Variants in LIMCH1 observed in about 807,000 individuals in gnomAD.
LIMCH1 encodes the protein LIM and calponin homology domains-containing protein 1.
Under a neutral mutation model 176.5 loss-of-function variants are expected in LIMCH1, and 113 were observed. That is an observed-to-expected ratio of 0.64 (90% CI 0.55 to 0.75). The LOEUF is 0.75. Ranked by LOEUF, LIMCH1 falls within the 30% of genes least tolerant of loss-of-function variation. The pLI is 0.00. For synonymous variants in LIMCH1, 619 were observed against 645.9 expected, an observed-to-expected ratio of 0.96 and a Z score of 0.63; for missense variants, 1,674 against 1,814.9, an observed-to-expected ratio of 0.92 and a Z score of 1.41.
chr4:41,494,619 T>C, intron 2 of LIMCH1: 5 of 1,551,958 alleles, frequency 3.2e-6, no homozygotes, highest in Non-Finnish European at 4.4e-6. Flanking sequence ...AAGTATAGCC[T>C]ATATTCAGTT....
intron 1 of LIMCH1, among the ~76,000 whole-genome samples, chr4:41,416,121 G>C (rs4499724): frequency 0.27 from 40,791 of 152,070 alleles, 6,171 homozygotes; most frequent in South Asian, 0.4. Flanking sequence ...AGGTGTGGCT[G>C]TAGGCTTACT....
chr4:41,553,219 TTACAAC>T (rs1243508912), intron 1 of LIMCH1, among the ~76,000 whole-genome samples: 15 of 152,160 alleles, frequency 9.9e-5, no homozygotes, highest in Middle Eastern at 3.2e-3. Flanking sequence ...GCATTCGGGG[TTACAAC>T]CATGAATGGC....
At chr4:41,510,820 C>T (rs1169359402) in intron 2 of LIMCH1, among the ~76,000 whole-genome samples, 2 of 152,138 alleles carry the variant, frequency 1.3e-5, no homozygotes, top group African/African-American at 4.8e-5. Flanking sequence ...AACTCCTGCC[C>T]TCAGGTGATC....
At position 41,644,693 on chromosome 4, in the gene LIMCH1, G is replaced by A. The variant is rs1210594514; in HGVS notation, c.2253+67G>A. On this transcript the variant is annotated intron_variant, in intron 15 of 31. Coordinates refer to ENST00000503057, the MANE Select transcript of LIMCH1 (RefSeq NM_001330672.2). ...GGCAGCAGAAAATCCAGCCGGGTGG[G>A]TAGACGTGGACTTGAAAGCCATGCG... 2.2e-5 allele frequency: 34 copies of A among 1,551,178 alleles called. No individual in the cohort carries two copies. In the East Asian group the frequency reaches 7.7e-4, roughly 35 times the overall value.
At chr4:41,612,723 T>G in intron 4 of LIMCH1, 1 of 689,688 alleles carries the variant, frequency 1.4e-6, no homozygotes, top group Admixed American at 2.1e-5. Context: ...TTCTCCCTGC[T>G]CTGAACATGT....
At chr4:41,429,942 C>T (rs1195432124) in intron 1 of LIMCH1, among the ~76,000 whole-genome samples, 4 of 152,150 alleles carry the variant, frequency 2.6e-5, no homozygotes, top group African/African-American at 4.8e-5. Context: ...TACTTCTGCT[C>T]ATATTCATTG....
intron 3 of LIMCH1, among the ~76,000 whole-genome samples, chr4:41,527,721 G>C (rs548736929): frequency 6.6e-6 from 1 of 151,892 alleles, no homozygotes; most frequent in Admixed American, 6.6e-5. Context: ...TACTCAGGAG[G>C]CTGAGGCAGG....
intron 1 of LIMCH1, among the ~76,000 whole-genome samples, chr4:41,390,269 A>AGAGAGAGAGAGC (rs760332127): frequency 0.032 from 4,776 of 150,064 alleles, 97 homozygotes; most frequent in South Asian, 0.058. Flanking sequence ...AGAGAGAGAG[A>AGAGAGAGAGAGC]GAGAGCGAGA....
In LIMCH1 at chr4:41,464,867, T is replaced by C. The variant is rs914952655; in HGVS notation, c.97-29669T>C. On this transcript the variant is annotated intron_variant, in intron 1 of 26. Coordinates refer to the LIMCH1 transcript ENST00000313860. ...GAGCACAGAGTCTTTCCTGTTACAGTAGGTGCATGCAAATATTTGTTGAAT... is the reference window on the plus strand; with the variant it reads ...GAGCACAGAGTCTTTCCTGTTACAGCAGGTGCATGCAAATATTTGTTGAAT... Among the ~76,000 whole-genome samples the C allele has an allele frequency of 7.2e-4, 109 of 152,182 alleles. 3 individuals carry two copies. The highest frequency in any genetic ancestry group is 3.2e-4 in the Non-Finnish European group (22 of 68,036).
intron 1 of LIMCH1, among the ~76,000 whole-genome samples, chr4:41,419,278 A>T (rs538344482): frequency 6.6e-6 from 1 of 152,122 alleles, no homozygotes; most frequent in Admixed American, 6.5e-5. Flanking sequence ...CCCGGGTTCC[A>T]CAGATTCTCC....
rs12650972 is a variant in LIMCH1, at chr4:41,616,176, G to A, written c.205+2515G>A. Among the ~76,000 whole-genome samples, 407 of 152,240 alleles carry A rather than the reference G, an allele frequency of 2.7e-3. 20 individuals carry two copies. The East Asian group carries it at 0.073, about 27-fold the overall frequency. On this transcript the variant is annotated intron_variant, in intron 5 of 31. Transcript: ENST00000503057. ...GTTTTATATCAAAGATGTGCTGAGG[G>A]AGGGAAACAAGTAATGAGAGAAATC...
intron 2 of LIMCH1, among the ~76,000 whole-genome samples, chr4:41,523,364 C>T (rs2076311762): frequency 6.6e-6 from 1 of 152,100 alleles, no homozygotes; most frequent in African/African-American, 2.4e-5. Flanking sequence ...TAGCCATAGA[C>T]AATATGTAAA....
At chr4:41,428,203 A>C (rs765896662) in intron 1 of LIMCH1, among the ~76,000 whole-genome samples, 2 of 152,186 alleles carry the variant, frequency 1.3e-5, no homozygotes, top group Non-Finnish European at 2.9e-5. Context: ...GTGGTAAAGA[A>C]CATGAACTCT....
chr4:41,366,636 G>A (rs768244203), intron 1 of LIMCH1, among the ~76,000 whole-genome samples: 1 of 151,932 alleles, frequency 6.6e-6, no homozygotes, highest in Non-Finnish European at 1.5e-5. Flanking sequence ...CTAAACTAGA[G>A]GGCTAAAGAT....
chr4:41,656,488 G>A (rs191183672), intron 18 of LIMCH1, among the ~76,000 whole-genome samples: 2 of 152,080 alleles, frequency 1.3e-5, no homozygotes, highest in African/African-American at 4.8e-5. Flanking sequence ...AAATTAACCT[G>A]GCCTATCTAT....
chr4:41,662,049 C>T (rs1048135522), intron 19 of LIMCH1: 1 of 195,816 alleles, frequency 5.1e-6, no homozygotes, highest in Non-Finnish European at 1.1e-5. Flanking sequence ...TAACACTTTT[C>T]TTCTTTTGAT....
intron 1 of LIMCH1, chr4:41,551,250 A>G (rs1236324179): frequency 6.6e-6 from 1 of 152,226 alleles, no homozygotes; most frequent in Non-Finnish European, 1.5e-5. Flanking sequence ...AGCAATATCT[A>G]CAGAGTTCAT....
intron 1 of LIMCH1, among the ~76,000 whole-genome samples, chr4:41,448,215 T>C (rs750568924): frequency 1.3e-5 from 2 of 152,240 alleles, no homozygotes; most frequent in Non-Finnish European, 2.9e-5. Context: ...GCAGTCATGA[T>C]GTAGGAGGTA....
chr4:41,414,560 G>T (rs1343762092), intron 1 of LIMCH1, among the ~76,000 whole-genome samples: 1 of 152,148 alleles, frequency 6.6e-6, no homozygotes, highest in Non-Finnish European at 1.5e-5. Flanking sequence ...GATACCGGGC[G>T]ATTGACATTT....
Sources: gnomAD v4.1 joint callset for allele counts (sites outside exome capture counted in the v4.1 genomes callset) on GRCh38, gnomAD v4.1.1 for gene constraint, MANE v1.5 for transcripts, NCBI Gene and HGNC (gene_info 2026-07-23, HGNC 2026-07-21) for gene names.